VIPR2: variants seen among roughly 807,000 people sequenced by gnomAD.
VIPR2 encodes the protein vasoactive intestinal polypeptide receptor 2.
Under a neutral mutation model 58.0 loss-of-function variants are expected in VIPR2, and 48 were observed. The ratio of observed to expected loss-of-function variants is 0.83; its 90% CI spans 0.66 to 1.05. The LOEUF (loss-of-function observed/expected upper bound fraction) is 1.05. VIPR2 is among the 50% of genes least tolerant of loss of function. The probability of loss-of-function intolerance (pLI) is 0.00; values close to 1 mark genes in which losing one functional copy is unlikely to be tolerated. For synonymous variants in VIPR2, 243 were observed against 235.2 expected (o/e 1.03, Z -0.30); for missense variants, 534 against 558.0 (o/e 0.96, Z 0.43).
At chr7:159,040,980 C>T (rs558541707) in intron 6 of VIPR2, among the ~76,000 whole-genome samples, 8 of 152,294 alleles carry the variant, frequency 5.3e-5, no homozygotes, top group Admixed American at 1.3e-4. Flanking sequence ...GGGGCAAAGC[C>T]GACTCCCTCT....
At chr7:159,126,365 T>G (rs1238238014) in intron 2 of VIPR2, among the ~76,000 whole-genome samples, 1 of 152,254 alleles carries the variant, frequency 6.6e-6, no homozygotes, top group Admixed American at 6.5e-5. Flanking sequence ...GCAAGTGATA[T>G]GAGGAGAGCT....
intron 5 of VIPR2, among the ~76,000 whole-genome samples, chr7:159,046,472 C>T (rs915038323): frequency 3.3e-5 from 5 of 152,176 alleles, no homozygotes; most frequent in Non-Finnish European, 5.9e-5. Context: ...TATTGTATGA[C>T]GCATCCAGTG....
intron 10 of VIPR2, 45 bp downstream of exon 10, chr7:159,034,168 C>T (rs2129492841): frequency 6.3e-7 from 1 of 1,596,618 alleles, no homozygotes; most frequent in Non-Finnish European, 8.6e-7. Flanking sequence ...CCTGTCTCCA[C>T]ACGGCATCCC....
At chr7:159,030,882 T>C in intron 12 of VIPR2, 93 bp from the exon 13 acceptor site, 1 of 1,368,716 alleles carries the variant, frequency 7.3e-7, no homozygotes, top group Non-Finnish European at 9.6e-7. Context: ...CAGCTCTCCC[T>C]CCCGCCTGCT....
At chr7:159,133,387 T>C (rs2129497743) in intron 2 of VIPR2, among the ~76,000 whole-genome samples, 1 of 152,410 alleles carries the variant, frequency 6.6e-6, no homozygotes, top group Non-Finnish European at 1.5e-5. Context: ...CTCCCTGCCT[T>C]AGAGATACCG....
intron 2 of VIPR2, among the ~76,000 whole-genome samples, chr7:159,133,030 T>TA (rs1214138766): frequency 7.0e-6 from 1 of 142,298 alleles, no homozygotes; most frequent in African/African-American, 2.6e-5. Context: ...ACAGAATGAT[T>TA]CCAAAAATGC....
intron 4 of VIPR2, among the ~76,000 whole-genome samples, chr7:159,065,045 A>C (rs1856004049): frequency 6.6e-6 from 1 of 152,130 alleles, no homozygotes; most frequent in Non-Finnish European, 1.5e-5. Context: ...CCGCTCTCTG[A>C]AAGCTGGGAG....
chr7:159,120,088 A>AG (rs1384259505), intron 2 of VIPR2, among the ~76,000 whole-genome samples: 1 of 152,150 alleles, frequency 6.6e-6, no homozygotes, highest in Non-Finnish European at 1.5e-5. Context: ...TCACCTCTGC[A>AG]GGGGCACCTC....
chr7:159,073,601 G>T (rs1466239869), intron 4 of VIPR2, among the ~76,000 whole-genome samples: 1 of 152,070 alleles, frequency 6.6e-6, no homozygotes, highest in Non-Finnish European at 1.5e-5. Flanking sequence ...TAGAGACAGG[G>T]TTACATCATG....
chr7:159,077,511 T>G (rs1313422420), intron 4 of VIPR2, among the ~76,000 whole-genome samples: 4 of 151,466 alleles, frequency 2.6e-5, no homozygotes, highest in Non-Finnish European at 5.9e-5. Context: ...TGTTATCAGA[T>G]TCTAGCCCTG....
Position 159,113,883 on chromosome 7 carries a change from A to G in VIPR2, c.152-3964T>C, listed in dbSNP as rs574329701. On this transcript the variant is annotated intron_variant, in intron 2 of 12. Transcript: ENST00000262178. ...AGGAAGAAAGAAAAGAAACAGGAGC[A>G]TAAGTATGCTGTTTAGAAATAAAAT... 5.1e-4 allele frequency among the ~76,000 whole-genome samples: 78 copies of G among 152,340 alleles called. 2 individuals carry two copies. Among genetic ancestry groups the G allele is most frequent in the Middle Eastern group, 3.4e-3 (1 of 294 alleles).
At chr7:159,088,394 C>T (rs1477199454) in intron 4 of VIPR2, among the ~76,000 whole-genome samples, 1 of 152,020 alleles carries the variant, frequency 6.6e-6, no homozygotes, top group African/African-American at 2.4e-5. Flanking sequence ...CACACACAAG[C>T]TGCAGCACAG....
chr7:159,143,897 C>G (rs949134151), intron 1 of VIPR2, among the ~76,000 whole-genome samples: 1 of 152,256 alleles, frequency 6.6e-6, no homozygotes, highest in Non-Finnish European at 1.5e-5. Context: ...TGCGCCTCCG[C>G]GCAAGGCCAG....
intron 3 of VIPR2, among the ~76,000 whole-genome samples, chr7:159,106,833 G>A (rs1265198077): frequency 6.7e-6 from 1 of 150,308 alleles, no homozygotes; most frequent in Non-Finnish European, 1.5e-5. Flanking sequence ...GATGCAGAGA[G>A]AGGCCAGGGA....
intron 5 of VIPR2, among the ~76,000 whole-genome samples, chr7:159,049,431 C>A (rs1854850465): frequency 6.6e-6 from 1 of 152,136 alleles, no homozygotes; most frequent in Admixed American, 6.5e-5. Context: ...AGCGCCTGGG[C>A]CCTCCAGGGC....
intron 2 of VIPR2, among the ~76,000 whole-genome samples, chr7:159,126,444 C>G (rs148088071): frequency 0.015 from 2,244 of 152,244 alleles, 32 homozygotes; most frequent in Admixed American, 0.033. Flanking sequence ...CAATTAAGAA[C>G]GATGACAATA....
At chr7:159,044,475 G>T (rs1854530133) in intron 5 of VIPR2, among the ~76,000 whole-genome samples, 1 of 151,364 alleles carries the variant, frequency 6.6e-6, no homozygotes. Flanking sequence ...AAAATAAAAT[G>T]AATCAACAAA....
At position 159,043,106 on chromosome 7, in the gene VIPR2, C is replaced by T. The variant is rs1480679813; in HGVS notation, c.526G>A (p.Val176Met). Residue 176 changes from valine (V) to methionine (M), a missense_variant, in exon 6 of 13, where the codon GTG becomes ATG. Physicochemically the swap from Val to Met is conservative, Grantham distance 21 (BLOSUM62 1). Transcript: ENST00000262178. ...TAGAGAACGTCGTCCTTGACCAGCA[C>T]TGAGATGGCTCTCAGGATGAAGGAC... ...FLSFILRAIS[V>M]LVKDDVLYSS... 2 of 1,613,996 alleles carry T rather than the reference C, an allele frequency of 1.2e-6. No individual in the cohort carries two copies. The highest frequency in any genetic ancestry group is 8.5e-7 in the Non-Finnish European group (1 of 1,180,022).
Position 159,095,020 on chromosome 7 carries a change from C to A in VIPR2, c.357+8737G>T, listed in dbSNP as rs1011245186. On this transcript the variant is annotated intron_variant, in intron 4 of 12. Transcript: ENST00000262178. The surrounding 1 kb of genome is among the most constrained non-coding windows in gnomAD (Gnocchi z 5.2). The stretch of plus-strand genomic sequence containing the variant: ...TAGTCCCAAGGAGACATCAGATAGA[C>A]CCCAGCAAAGCCACTTCGTGAAATG... 2.0e-5 allele frequency among the ~76,000 whole-genome samples: 3 copies of A among 152,128 alleles called. No homozygotes were observed. The highest frequency in any genetic ancestry group is 4.4e-5 in the Non-Finnish European group (3 of 68,038).
Sources: allele counts gnomAD v4.1 joint callset (sites outside exome capture counted in the v4.1 genomes callset), GRCh38; gene constraint gnomAD v4.1.1; non-coding constraint Gnocchi (gnomAD v3.1); transcripts MANE v1.5; gene names NCBI Gene and HGNC (gene_info 2026-07-23, HGNC 2026-07-21).